The following ITGAM variants were observed in gnomAD, a reference collection of about 807,000 sequenced individuals.
The protein encoded by ITGAM is integrin alpha-M.
A neutral mutation model predicts 137.5 loss-of-function variants in ITGAM; 79 were observed. The observed-to-expected ratio is 0.57, with a 90% CI of 0.48 to 0.69. ITGAM has a LOEUF of 0.69. Among genes scored for constraint, ITGAM ranks in the 30% least tolerant of loss-of-function variants. The probability of loss-of-function intolerance (pLI) is 0.00; values close to 1 mark genes in which losing one functional copy is unlikely to be tolerated. For missense variants in ITGAM, 1,343 were observed against 1,483.5 expected, an observed-to-expected ratio of 0.91 and a Z score of 1.56; for synonymous variants, 583 against 592.3, an observed-to-expected ratio of 0.98 and a Z score of 0.23.
intron 1 of ITGAM, among the ~76,000 whole-genome samples, chr16:31,260,344 G>T (rs534977287): frequency 3.2e-4 from 49 of 152,274 alleles, no homozygotes; most frequent in African/African-American, 1.1e-3. Flanking sequence ...TCACACATGA[G>T]GAGACGGAGG....
chr16:31,329,461 C>A (rs1467690345), intron 24 of ITGAM, among the ~76,000 whole-genome samples, 158 bp downstream of exon 24: 1 of 152,118 alleles, frequency 6.6e-6, no homozygotes, highest in African/African-American at 2.4e-5. Context: ...CATACACGCA[C>A]GTATGTATGT....
chr16:31,318,543 C>G (rs1294390510), intron 14 of ITGAM, among the ~76,000 whole-genome samples: 1 of 152,118 alleles, frequency 6.6e-6, no homozygotes, highest in Non-Finnish European at 1.5e-5. Flanking sequence ...AGGGTTTCAC[C>G]ATGATGGCCA....
chr16:31,278,188 T>A, intron 12 of ITGAM, 79 bp downstream of exon 12: 1 of 1,433,030 alleles, frequency 7.0e-7, no homozygotes, highest in Non-Finnish European at 9.5e-7. Context: ...GGCATTCAGA[T>A]GACATGCATG....
chr16:31,313,117 C>T (rs1312084745), intron 14 of ITGAM, among the ~76,000 whole-genome samples: 2 of 151,990 alleles, frequency 1.3e-5, no homozygotes, highest in Admixed American at 1.3e-4. Context: ...ACTTGGGAGG[C>T]TGAGGCAGGA....
chr16:31,311,172 A>T (rs1294837304), intron 14 of ITGAM, among the ~76,000 whole-genome samples: 2 of 152,256 alleles, frequency 1.3e-5, no homozygotes, highest in African/African-American at 4.8e-5. Flanking sequence ...TCCTAAAACC[A>T]TAAAAACCCT....
In ITGAM at chr16:31,266,023, C is replaced by G. The variant is rs1353977815; in HGVS notation, c.310-7C>G. On this transcript the variant is annotated splice_region_variant and splice_polypyrimidine_tract_variant and intron_variant, in intron 4 of 29. Transcript: ENST00000544665. ...GGCAGCCCCTTCCACTGGCTCCTGT[C>G]CCCTAGGCCTGTGGTCCCACCGTGC... is the stretch of plus-strand genomic sequence containing the variant. 1 of 1,611,416 alleles carries G rather than the reference C, an allele frequency of 6.2e-7. No individual in the cohort carries two copies. The highest frequency in any genetic ancestry group is 1.3e-5 in the African/African-American group (1 of 74,966).
intron 14 of ITGAM, among the ~76,000 whole-genome samples, chr16:31,300,765 G>T (rs1377935156): frequency 4.1e-4 from 63 of 152,132 alleles, no homozygotes; most frequent in Admixed American, 4.1e-3. Context: ...ACAAAAATTA[G>T]CCGGGCTGTG....
Position 31,331,938 on chromosome 16 carries a change from A to T in ITGAM, c.*231A>T, listed in dbSNP as rs2080592237. Reference sequence around the variant, plus strand: ...ATGTGCACTTGCACGCCCATGTGTGAGTGTGTGCAAGTATGTGAGTGTGTC... The same window carrying T: ...ATGTGCACTTGCACGCCCATGTGTGTGTGTGTGCAAGTATGTGAGTGTGTC... On this transcript the variant is annotated 3_prime_UTR_variant, in exon 30 of 30. Coordinates refer to ENST00000544665, the MANE Select transcript of ITGAM (RefSeq NM_000632.4). 1.8e-6 allele frequency: 1 copy of T among 552,366 alleles called. No homozygotes were observed. The highest frequency in any genetic ancestry group is 2.2e-5 in the South Asian group (1 of 45,074). The allele number at this position is 552,366 out of a possible 1,614,324, so 34.2% of individuals were successfully genotyped here. A position where few individuals can be genotyped will look rare whatever the true frequency, so the allele number is the denominator to read the frequency against.
intron 23 of ITGAM, chr16:31,328,882 ATGAG>A (rs2080542902): frequency 2.4e-6 from 1 of 412,316 alleles, no homozygotes; most frequent in Non-Finnish European, 4.4e-6. Flanking sequence ...GTATGTGTGC[ATGAG>A]TGTGTATTCG....
intron 6 of ITGAM, among the ~76,000 whole-genome samples, chr16:31,271,453 A>G (rs2079838958): frequency 6.6e-6 from 1 of 152,178 alleles, no homozygotes. Flanking sequence ...CCCGGGTTCA[A>G]GCAATTCTCT....
rs1381813273 is a variant in ITGAM, at chr16:31,331,641, C to T, written c.3393C>T (p.Gly1131=). Reference sequence around the variant, plus strand: ...TGCCCTCCTCTGCCCCGCAGCTCGGCTTCTTCAAGCGGCAATACAAGGACA... The same window carrying T: ...TGCCCTCCTCTGCCCCGCAGCTCGGTTTCTTCAAGCGGCAATACAAGGACA... The part of the protein sequence containing the change: ...ALITAALYKL[G]FFKRQYKDMM... Residue 1131 remains glycine, a synonymous_variant, in exon 30 of 30, where the codon GGC becomes GGT. Coordinates refer to ENST00000544665, the MANE Select transcript of ITGAM (RefSeq NM_000632.4). 6.2e-7 allele frequency: 1 copy of T among 1,608,298 alleles called. No homozygotes were observed. Among genetic ancestry groups the T allele is most frequent in the African/African-American group, 1.3e-5 (1 of 74,804 alleles).
At chr16:31,264,485 A>G (rs1054586745) in intron 2 of ITGAM, among the ~76,000 whole-genome samples, 1 of 151,958 alleles carries the variant, frequency 6.6e-6, no homozygotes, top group African/African-American at 2.4e-5. Context: ...AAATAAATAA[A>G]ATGACTGTGT....
Position 31,324,846 on chromosome 16 carries a change from TCA to T in ITGAM, c.2289+65_2289+66del. 1 of 1,554,724 alleles carries T rather than the reference TCA, an allele frequency of 6.4e-7. No individual in the cohort carries two copies. Among genetic ancestry groups the T allele is most frequent in the Non-Finnish European group, 8.7e-7 (1 of 1,150,808 alleles). On this transcript the variant is annotated intron_variant, in intron 18 of 29. Coordinates refer to ENST00000544665, the MANE Select transcript of ITGAM (RefSeq NM_000632.4). The surrounding 1 kb of genome is among the most constrained non-coding windows in gnomAD (Gnocchi z 4.5). ...GACCAGAGACCAAGGTGGTTGAAAC[TCA>T]TTTTATTTGATTGCATCTAATTTTA...
At chr16:31,276,898 C>A (rs771489193) in intron 10 of ITGAM, 22 bp from the exon 11 acceptor site, 2 of 1,606,370 alleles carry the variant, frequency 1.2e-6, no homozygotes, top group Non-Finnish European at 1.7e-6. Flanking sequence ...TCCTCATCAA[C>A]CCTGTTCTAC....
intron 12 of ITGAM, among the ~76,000 whole-genome samples, chr16:31,290,840 C>G (rs1249240322): frequency 6.6e-6 from 1 of 151,856 alleles, no homozygotes; most frequent in African/African-American, 2.4e-5. Flanking sequence ...TCCAAAGAAC[C>G]TATAAAAAAG....
At chr16:31,318,102 T>C (rs1337178209) in intron 14 of ITGAM, among the ~76,000 whole-genome samples, 2 of 152,200 alleles carry the variant, frequency 1.3e-5, no homozygotes, top group African/African-American at 4.8e-5. Context: ...TTACTCATTA[T>C]AGATCTGTTT....
chr16:31,275,103 A>C (rs1266136169), intron 8 of ITGAM, among the ~76,000 whole-genome samples: 1 of 152,148 alleles, frequency 6.6e-6, no homozygotes. Flanking sequence ...CACCAAGAGC[A>C]GGAGGGCACA....
At chr16:31,284,491 G>A (rs1372182400) in intron 12 of ITGAM, among the ~76,000 whole-genome samples, 2 of 151,644 alleles carry the variant, frequency 1.3e-5, no homozygotes, top group African/African-American at 4.9e-5. Flanking sequence ...GTGCTAGCGT[G>A]AGCAAGGCTC....
At chr16:31,278,373 A>C (rs1482556765) in intron 12 of ITGAM, among the ~76,000 whole-genome samples, 1 of 152,172 alleles carries the variant, frequency 6.6e-6, no homozygotes, top group East Asian at 1.9e-4. Context: ...CCCGTATATA[A>C]CCAGGATAGC....
Sources: gnomAD v4.1 joint callset for allele counts (sites outside exome capture counted in the v4.1 genomes callset) on GRCh38, gnomAD v4.1.1 for gene constraint, Gnocchi (gnomAD v3.1) non-coding constraint, MANE v1.5 for transcripts, NCBI Gene and HGNC (gene_info 2026-07-23, HGNC 2026-07-21) for gene names.